Variants in ZPLD1 observed in about 807,000 individuals in gnomAD.
ZPLD1 encodes zona pellucida-like domain-containing protein 1.
ZPLD1 carries 34 observed loss-of-function variants against 47.2 expected under a neutral mutation model. The ratio of observed to expected loss-of-function variants is 0.72; its 90% CI spans 0.55 to 0.96. The LOEUF is 0.96. Among genes scored for constraint, ZPLD1 ranks in the 40% least tolerant of loss-of-function variants. The pLI is 0.00. For missense variants in ZPLD1, 512 were observed against 505.8 expected (o/e 1.01, Z -0.12); for synonymous variants, 176 against 186.2 (o/e 0.95, Z 0.45).
intron 6 of ZPLD1, among the ~76,000 whole-genome samples, chr3:102,391,577 A>T (rs74958445): frequency 0.027 from 4,091 of 151,914 alleles, 172 homozygotes; most frequent in African/African-American, 0.093. Flanking sequence ...AGCCAAAGCA[A>T]CCCCGTGGAG....
chr3:102,412,767 A>G (rs1218103597), intron 7 of ZPLD1, among the ~76,000 whole-genome samples: 1 of 151,696 alleles, frequency 6.6e-6, no homozygotes, highest in Non-Finnish European at 1.5e-5. Flanking sequence ...GTTTACAAGC[A>G]CAGATTGACT....
At chr3:102,416,062 A>G (rs1222242463) in intron 7 of ZPLD1, among the ~76,000 whole-genome samples, 1 of 151,892 alleles carries the variant, frequency 6.6e-6, no homozygotes, top group Non-Finnish European at 1.5e-5. Context: ...CAACTAATCA[A>G]ATATTCAGCC....
At chr3:102,429,239 A>G (rs1706986767) in intron 8 of ZPLD1, among the ~76,000 whole-genome samples, 1 of 152,176 alleles carries the variant, frequency 6.6e-6, no homozygotes, top group Admixed American at 6.5e-5. Context: ...ATGACACATT[A>G]CCCAATTCTC....
chr3:102,394,641 TA>T (rs1342879717), intron 7 of ZPLD1, among the ~76,000 whole-genome samples: 2 of 152,162 alleles, frequency 1.3e-5, no homozygotes, highest in Non-Finnish European at 2.9e-5. Flanking sequence ...ATGGGGCTGG[TA>T]AAATTAGCCA....
At chr3:102,474,917 G>A (rs1411334899) in intron 10 of ZPLD1, among the ~76,000 whole-genome samples, 2 of 152,104 alleles carry the variant, frequency 1.3e-5, no homozygotes, top group African/African-American at 4.8e-5. Context: ...ATAAAAAAGT[G>A]TGGTGGGATA....
At chr3:102,397,458 T>C (rs767808295) in intron 7 of ZPLD1, among the ~76,000 whole-genome samples, 4 of 152,102 alleles carry the variant, frequency 2.6e-5, no homozygotes, top group Non-Finnish European at 5.9e-5. Flanking sequence ...GACTCTTCAA[T>C]CAACAAGTCA....
intron 7 of ZPLD1, among the ~76,000 whole-genome samples, chr3:102,402,277 C>T (rs1014320485): frequency 6.6e-6 from 1 of 151,982 alleles, no homozygotes; most frequent in African/African-American, 2.4e-5. Context: ...AAATATCTCT[C>T]TTCTACCATT....
At chr3:102,420,564 C>T (rs916153460) in intron 8 of ZPLD1, among the ~76,000 whole-genome samples, 11 of 151,738 alleles carry the variant, frequency 7.2e-5, no homozygotes, top group African/African-American at 2.7e-4. Context: ...CTTTGAATTT[C>T]CTATAATTTT....
intron 6 of ZPLD1, among the ~76,000 whole-genome samples, chr3:102,459,167 C>CT (rs1245003427): frequency 6.7e-6 from 1 of 149,992 alleles, no homozygotes; most frequent in African/African-American, 2.5e-5. Context: ...AAGCGTGTGC[C>CT]AGTATTCACT....
chr3:102,391,347 T>C (rs113673365), intron 6 of ZPLD1, among the ~76,000 whole-genome samples: 16 of 152,276 alleles, frequency 1.1e-4, no homozygotes, highest in African/African-American at 3.8e-4. Context: ...TCCTCCAAAT[T>C]GCCACAACAA....
intron 7 of ZPLD1, among the ~76,000 whole-genome samples, chr3:102,402,004 G>A (rs140238143): frequency 5.9e-5 from 9 of 152,104 alleles, no homozygotes; most frequent in Non-Finnish European, 1.0e-4. Flanking sequence ...TGTAAGTAAA[G>A]GCATTTTTTT....
In ZPLD1 at chr3:102,451,424, T is replaced by C. The variant is rs947152789; in HGVS notation, c.107-1495T>C. ...ATTGAAAAGCATAATCAGTTTTTGT[T>C]TGTTTCTACATGTTGAAAACTTGAG... is the stretch of plus-strand genomic sequence containing the variant. On this transcript the variant is annotated intron_variant, in intron 3 of 11. Coordinates refer to ENST00000466937, the MANE Select transcript of ZPLD1 (RefSeq NM_001329788.2). 5.9e-5 allele frequency among the ~76,000 whole-genome samples: 9 copies of C among 152,340 alleles called. 1 individual carries two copies. The South Asian group carries it at 1.9e-3, about 32-fold the overall frequency.
intron 3 of ZPLD1, among the ~76,000 whole-genome samples, chr3:102,441,528 A>G (rs1002450790): frequency 6.6e-6 from 1 of 152,204 alleles, no homozygotes; most frequent in African/African-American, 2.4e-5. Flanking sequence ...TATTCCAATT[A>G]AAAGCACAAT....
At chr3:102,457,912 G>C in intron 6 of ZPLD1, 59 bp downstream of exon 6, 1 of 1,513,064 alleles carries the variant, frequency 6.6e-7, no homozygotes, top group African/African-American at 1.4e-5. Context: ...AGTCATTTAT[G>C]TGAATGGCTT....
At chr3:102,388,455 CTGTG>C (rs55700835) in intron 6 of ZPLD1, among the ~76,000 whole-genome samples, 17,547 of 135,186 alleles carry the variant, frequency 0.13, 1,060 homozygotes, top group Middle Eastern at 0.18. Context: ...CTCTCTCTGT[CTGTG>C]TGTGTGTGTG....
intron 10 of ZPLD1, 82 bp from the exon 11 acceptor site, chr3:102,476,930 A>G: frequency 1.3e-6 from 2 of 1,485,230 alleles, no homozygotes; most frequent in Non-Finnish European, 1.9e-6. Flanking sequence ...ATGTAGGTAC[A>G]ATGTAATTAT....
chr3:102,452,957 A>G lies in ZPLD1; in HGVS notation c.145A>G (p.Ile49Val), dbSNP rs1707359926. 1 of 1,614,088 alleles carries G rather than the reference A, an allele frequency of 6.2e-7. No individual in the cohort carries two copies. The highest frequency in any genetic ancestry group is 8.5e-7 in the Non-Finnish European group (1 of 1,179,972). ...CAGTGTCTATTGTGGAGTGCAGGCT[A>G]TTACGATGAAGATTAATTTTTGCAC... ...DISVYCGVQA[I>V]TMKINFCTVL... The change falls in exon 4 of 12, where the codon ATT becomes GTT. Residue 49 changes from isoleucine (I) to valine (V), a missense_variant. By Grantham distance (29) the Ile-to-Val change is conservative (BLOSUM62 3). Transcript: ENST00000466937.
At chr3:102,474,614 T>C (rs1707731649) in intron 10 of ZPLD1, among the ~76,000 whole-genome samples, 2 of 152,190 alleles carry the variant, frequency 1.3e-5, no homozygotes, top group African/African-American at 4.8e-5. Context: ...AAAAAAACTT[T>C]TCTAGTACTA....
At chr3:102,434,407 A>G (rs1455823821), upstream of ZPLD1, among the ~76,000 whole-genome samples, 1 of 152,194 alleles carries the variant, frequency 6.6e-6, no homozygotes, top group Non-Finnish European at 1.5e-5. Flanking sequence ...TCATTTTAAA[A>G]AGAAAATTTA....
Sources: gnomAD v4.1 joint callset for allele counts (sites outside exome capture counted in the v4.1 genomes callset) on GRCh38, gnomAD v4.1.1 for gene constraint, MANE v1.5 for transcripts, NCBI Gene and HGNC (gene_info 2026-07-23, HGNC 2026-07-21) for gene names.